PCDH7: variants seen among roughly 807,000 people sequenced by gnomAD.
The protein encoded by PCDH7 is protocadherin 7, also known as protocadherin-7.
A neutral mutation model predicts 58.9 loss-of-function variants in PCDH7; 17 were observed. The ratio of observed to expected loss-of-function variants is 0.29; its 90% CI spans 0.20 to 0.43. The LOEUF (loss-of-function observed/expected upper bound fraction) is 0.43. PCDH7 is among the 20% of genes least tolerant of loss of function. PCDH7 has a pLI of 1.00. For synonymous variants in PCDH7, 664 were observed against 616.4 expected (o/e 1.08, Z -1.14); for missense variants, 1,274 against 1,441.0 (o/e 0.88, Z 1.88).
intron 3 of PCDH7, among the ~76,000 whole-genome samples, chr4:30,982,402 C>T (rs1036960887): frequency 1.3e-5 from 2 of 152,088 alleles, no homozygotes; most frequent in African/African-American, 4.8e-5. Context: ...ACTTCTCTTC[C>T]TCATCCCACT....
intron 1 of PCDH7, among the ~76,000 whole-genome samples, chr4:30,810,339 G>C (rs1357280177): frequency 1.3e-5 from 2 of 151,938 alleles, no homozygotes; most frequent in Non-Finnish European, 2.9e-5. Flanking sequence ...TACATCTGTA[G>C]TTCATTTTCA....
chr4:31,022,671 T>C (rs1754118791), intron 3 of PCDH7, among the ~76,000 whole-genome samples: 1 of 152,180 alleles, frequency 6.6e-6, no homozygotes, highest in Non-Finnish European at 1.5e-5. Flanking sequence ...CCATTCCTAC[T>C]TTCAGTTTTT....
At chr4:30,782,512 A>G (rs762546793) in intron 1 of PCDH7, among the ~76,000 whole-genome samples, 1 of 152,200 alleles carries the variant, frequency 6.6e-6, no homozygotes, top group South Asian at 2.1e-4. Context: ...ATTGTAGGAG[A>G]GAAAAGATTT....
intron 1 of PCDH7, among the ~76,000 whole-genome samples, chr4:30,780,157 T>C (rs1298611157): frequency 1.3e-5 from 2 of 152,222 alleles, no homozygotes; most frequent in African/African-American, 2.4e-5. Context: ...AGTGGTATGG[T>C]CTATTTGTAG....
At chr4:31,129,931 A>AT (rs10707722) in intron 3 of PCDH7, among the ~76,000 whole-genome samples, 48,057 of 150,722 alleles carry the variant, frequency 0.32, 8,061 homozygotes, top group African/African-American at 0.43. Flanking sequence ...ACAGGCCACA[A>AT]TTTTTTTTTT....
intron 1 of PCDH7, among the ~76,000 whole-genome samples, chr4:30,889,206 A>C (rs1347404733): frequency 1.3e-5 from 2 of 151,266 alleles, no homozygotes; most frequent in Non-Finnish European, 2.9e-5. Flanking sequence ...TTAAGTTACC[A>C]AGAGTTAACA....
intron 3 of PCDH7, among the ~76,000 whole-genome samples, chr4:31,043,586 G>A (rs1450005914): frequency 6.6e-6 from 1 of 152,080 alleles, no homozygotes; most frequent in Non-Finnish European, 1.5e-5. Context: ...GTCTTCTTTT[G>A]AGAACTCTCA....
intron 1 of PCDH7, among the ~76,000 whole-genome samples, chr4:30,799,732 T>A (rs1245073523): frequency 6.6e-6 from 1 of 152,162 alleles, no homozygotes; most frequent in African/African-American, 2.4e-5. Context: ...CTTTTTAAAA[T>A]TCACTTAGAA....
intron 3 of PCDH7, among the ~76,000 whole-genome samples, chr4:31,032,773 T>A (rs1755067743): frequency 6.7e-6 from 1 of 150,222 alleles, no homozygotes; most frequent in African/African-American, 2.5e-5. Flanking sequence ...TCAAAATGAG[T>A]TATCTTAAAA....
At chr4:30,934,021 G>T (rs1471793093) in intron 2 of PCDH7, among the ~76,000 whole-genome samples, 1 of 152,208 alleles carries the variant, frequency 6.6e-6, no homozygotes, top group African/African-American at 2.4e-5. Context: ...TAAGCTTACT[G>T]CCCTTTATTC....
At chr4:31,110,277 A>G (rs61794131) in intron 3 of PCDH7, among the ~76,000 whole-genome samples, 4,610 of 152,288 alleles carry the variant, frequency 0.03, 168 homozygotes, top group East Asian at 0.18. Context: ...CTTAACACCC[A>G]CAGTTTTTAT....
intron 1 of PCDH7, among the ~76,000 whole-genome samples, chr4:30,863,941 A>G (rs534016082): frequency 2.0e-5 from 3 of 152,230 alleles, no homozygotes; most frequent in East Asian, 1.9e-4. Context: ...GTGGCAGCAG[A>G]TAAGTTTGGA....
intron 1 of PCDH7, among the ~76,000 whole-genome samples, chr4:30,886,626 T>C (rs1292928915): frequency 2.7e-5 from 4 of 149,758 alleles, no homozygotes; most frequent in Non-Finnish European, 6.0e-5. Context: ...TTACTGGGTA[T>C]ATACCCAAAG....
At chr4:30,765,006 A>T (rs1682522116) in intron 1 of PCDH7, among the ~76,000 whole-genome samples, 1 of 151,564 alleles carries the variant, frequency 6.6e-6, no homozygotes, top group East Asian at 2.0e-4. Context: ...GACGTGAGCC[A>T]CCGCGCCCTG....
intron 3 of PCDH7, among the ~76,000 whole-genome samples, chr4:31,044,032 G>C (rs889127254): frequency 2.6e-5 from 4 of 152,152 alleles, no homozygotes; most frequent in African/African-American, 9.6e-5. Flanking sequence ...GAAGATGGCA[G>C]CTTCTGGTGT....
chr4:30,723,901 C>G lies in PCDH7; in HGVS notation c.2479C>G (p.Pro827Ala). 6.2e-7 allele frequency: 1 copy of G among 1,613,872 alleles called. No homozygotes were observed. The highest frequency in any genetic ancestry group is 8.5e-7 in the Non-Finnish European group (1 of 1,180,006). ...GGTGCAAGTGAATGACAGTGGGCAG[C>G]CTTCCCAGTCCACCACGACTCTGGT... The change falls in exon 1 of 2, where the codon CCT (proline) becomes GCT (alanine). Residue 827 changes from proline (P) to alanine (A), a missense_variant. Physicochemically the swap from Pro to Ala is conservative, Grantham distance 27. Around this residue, in one of 3 missense-constraint regions of PCDH7, gnomAD observed 731 missense variants for 881.9 expected, o/e 0.83. Transcript: ENST00000361762. This position sits in a 1 kb window ranked among gnomAD's most constrained non-coding sequence, Gnocchi z 4.6.
At chr4:30,772,641 G>A (rs1429375913) in intron 1 of PCDH7, among the ~76,000 whole-genome samples, 1 of 152,172 alleles carries the variant, frequency 6.6e-6, no homozygotes, top group East Asian at 1.9e-4. Flanking sequence ...TATGCCTTCT[G>A]AAGGACTGTG....
chr4:30,778,898 G>T (rs2109286319), intron 1 of PCDH7, among the ~76,000 whole-genome samples: 1 of 150,026 alleles, frequency 6.7e-6, no homozygotes, highest in South Asian at 2.1e-4. Context: ...TCTAAGGTCT[G>T]CAATGTTATA....
At chr4:30,789,334 C>G (rs1723815334) in intron 1 of PCDH7, among the ~76,000 whole-genome samples, 1 of 152,176 alleles carries the variant, frequency 6.6e-6, no homozygotes, top group Non-Finnish European at 1.5e-5. Context: ...AAAGGCATTT[C>G]TGGACTTGGA....
Sources: gnomAD v4.1 joint callset for allele counts (sites outside exome capture counted in the v4.1 genomes callset) on GRCh38, gnomAD v4.1.1 for gene constraint, gnomAD v4.1.1 regional missense constraint, Gnocchi (gnomAD v3.1) non-coding constraint, MANE v1.5 for transcripts, NCBI Gene and HGNC (gene_info 2026-07-23, HGNC 2026-07-21) for gene names.